Variants in PIH1D1 observed in about 807,000 individuals in gnomAD.
PIH1D1 encodes the protein PIH1 domain-containing protein 1.
Under a neutral mutation model 38.5 loss-of-function variants are expected in PIH1D1, and 28 were observed. The observed-to-expected ratio is 0.73, with a 90% confidence interval of 0.54 to 1.00. The LOEUF is 1.00. Ranked by LOEUF, PIH1D1 falls within the 50% of genes least tolerant of loss-of-function variation. The probability of loss-of-function intolerance (pLI) is 0.00; values close to 1 mark genes in which losing one functional copy is unlikely to be tolerated. For synonymous variants in PIH1D1, 155 were observed against 153.5 expected, an observed-to-expected ratio of 1.01 and a Z score of -0.07; for missense variants, 343 against 369.9, an observed-to-expected ratio of 0.93 and a Z score of 0.60.
In PIH1D1 at chr19:49,448,289, T is replaced by C. The variant is rs191703293; in HGVS notation, c.338-227A>G. 3.0e-4 allele frequency: 171 copies of C among 569,390 alleles called. 1 individual carries two copies. The highest frequency in any genetic ancestry group is 2.5e-5 in the Non-Finnish European group (8 of 317,740). 35.3% of individuals were successfully genotyped at this position (569,390 alleles called of 1,614,324 possible). On this transcript the variant is annotated intron_variant, in intron 3 of 8. Transcript: ENST00000262265. Reference sequence around the variant, plus strand: ...TGTGATGTCACTAGAGTTGACCCTATCCCTTCCCTGCTCACAGCTCTTCTC... The same window carrying C: ...TGTGATGTCACTAGAGTTGACCCTACCCCTTCCCTGCTCACAGCTCTTCTC...
Position 49,446,654 on chromosome 19 carries a change from C to T in PIH1D1, c.728G>A (p.Arg243His), listed in dbSNP as rs370272341. The T allele has an allele frequency of 8.8e-6, 14 of 1,593,298 alleles. No individual in the cohort carries two copies. Among genetic ancestry groups the T allele is most frequent in the South Asian group, 4.5e-5 (4 of 87,970 alleles). Residue 243 changes from arginine to histidine, a missense_variant, in exon 8 of 9, where the codon CGC becomes CAC. Coordinates refer to ENST00000262265, the MANE Select transcript of PIH1D1 (RefSeq NM_017916.3). ...CTGCTGGGGGCCCCCCATCACCAGG[C>T]GGTTCTCCCCGATCTCCAGCGACAG... ...LGLSLEIGEN[R>H]LVMGGPQQLY...
chr19:49,446,820 A>G (rs778863086), intron 7 of PIH1D1, 126 bp from the exon 8 acceptor site: 108 of 1,182,748 alleles, frequency 9.1e-5, no homozygotes, highest in Non-Finnish European at 6.6e-5. Flanking sequence ...GAGACAGAAG[A>G]CAGCAATTAC....
At chr19:49,451,362 A>T (rs1376625717) in intron 1 of PIH1D1, 123 bp downstream of exon 1, 1 of 1,407,860 alleles carries the variant, frequency 7.1e-7, no homozygotes, top group Non-Finnish European at 9.8e-7. Flanking sequence ...CTTGAAGCCC[A>T]TTAACCTCAA....
intron 6 of PIH1D1, 31 bp downstream of exon 6, chr19:49,447,307 A>G: frequency 1.2e-6 from 2 of 1,612,580 alleles, no homozygotes; most frequent in Non-Finnish European, 1.7e-6. Flanking sequence ...CGTTGAGGAA[A>G]CATCAGACCG....
chr19:49,447,709 C>T (rs914584609), intron 5 of PIH1D1, 118 bp downstream of exon 5: 34 of 1,129,716 alleles, frequency 3.0e-5, no homozygotes, highest in Non-Finnish European at 4.5e-5. Flanking sequence ...ACTCCACCCC[C>T]TCCTAGTAGC....
At chr19:49,450,086 T>G (rs2079049343) in intron 2 of PIH1D1, among the ~76,000 whole-genome samples, 1 of 151,188 alleles carries the variant, frequency 6.6e-6, no homozygotes, top group Non-Finnish European at 1.5e-5. Context: ...CCTCTCTTCT[T>G]TGTTTTCTCC....
Position 49,447,852 on chromosome 19 carries a change from G to A in PIH1D1, c.456C>T (p.Asp152=). The change falls in exon 5 of 9, where the codon GAC becomes GAT. Residue 152 remains aspartate (D), a synonymous_variant. Transcript: ENST00000262265. The part of the protein sequence containing the change: ...VITIAREGLE[D]KYNLQLNPEW... ...CCGGATTCAGCTGCAAGTTGTATTT[G>A]TCCTCAAGGCCCTCCCTGGCGATGG... 6.2e-7 allele frequency: 1 copy of A among 1,614,166 alleles called. No individual in the cohort carries two copies. Among genetic ancestry groups the A allele is most frequent in the Non-Finnish European group, 8.5e-7 (1 of 1,179,998 alleles).
intron 4 of PIH1D1, 35 bp from the exon 5 acceptor site, chr19:49,447,943 CG>C: frequency 6.2e-7 from 1 of 1,613,746 alleles, no homozygotes. Flanking sequence ...CAGGCGGTGG[CG>C]GGGAGGGTAG....
chr19:49,447,805 G>T, intron 5 of PIH1D1, 22 bp downstream of exon 5: 1 of 1,611,632 alleles, frequency 6.2e-7, no homozygotes, highest in Non-Finnish European at 8.5e-7. Context: ...TCTTTCCCGA[G>T]GGCCCAGGAC....
In PIH1D1 at chr19:49,447,011, G is replaced by A. The variant is rs115201402; in HGVS notation, c.687+13C>T. 1.5e-3 allele frequency: 2,379 copies of A among 1,604,534 alleles called. 31 individuals carry two copies. The African/African-American group carries it at 0.026, about 18-fold the overall frequency. On this transcript the variant is annotated intron_variant, in intron 7 of 8. Coordinates refer to ENST00000262265, the MANE Select transcript of PIH1D1 (RefSeq NM_017916.3). ...CCTCATTCCCCTGCTCTGGTCCAGC[G>A]CGCAAAACTCACCAGTTTGGGGAGG...
In PIH1D1 at chr19:49,451,608, C is replaced by T. The variant is rs750108966; in HGVS notation, c.-34G>A. 1 of 1,608,820 alleles carries T rather than the reference C, an allele frequency of 6.2e-7. No homozygotes were observed. The highest frequency in any genetic ancestry group is 1.7e-5 in the Admixed American group (1 of 59,670). On this transcript the variant is annotated 5_prime_UTR_variant, in exon 1 of 9. Transcript: ENST00000262265. ...GAAAGAGATCTAGGCGTCCTCGAGACCCTCAACGTGGGAAACTTTGCCCAG... is the reference window on the plus strand; with the variant it reads ...GAAAGAGATCTAGGCGTCCTCGAGATCCTCAACGTGGGAAACTTTGCCCAG...
chr19:49,450,999 G>C, intron 1 of PIH1D1, 151 bp from the exon 2 acceptor site: 120 of 1,097,330 alleles, frequency 1.1e-4, no homozygotes, highest in Non-Finnish European at 1.3e-4. Context: ...AGAACTAGAA[G>C]AACAACCCCA....
intron 1 of PIH1D1, 171 bp from the exon 2 acceptor site, chr19:49,451,019 CCATTT>C: frequency 2.5e-6 from 3 of 1,187,058 alleles, no homozygotes; most frequent in Non-Finnish European, 3.4e-6. Context: ...AACCCCATTC[CCATTT>C]CTTTTTTTTT....
chr19:49,451,399 G>C (rs755025535), intron 1 of PIH1D1, 86 bp downstream of exon 1: 1 of 1,576,906 alleles, frequency 6.3e-7, no homozygotes, highest in Admixed American at 1.7e-5. Context: ...TCCCGCCTTA[G>C]TGCATTCTGG....
chr19:49,446,376 C>A lies in PIH1D1; in HGVS notation c.*6G>T, dbSNP rs1312512313. 1.2e-6 allele frequency: 1 copy of A among 807,864 alleles called. No homozygotes were observed. Among genetic ancestry groups the A allele is most frequent in the East Asian group, 2.4e-5 (1 of 41,374 alleles). 50.0% of individuals were successfully genotyped at this position (807,864 alleles called of 1,614,324 possible). A position where few individuals can be genotyped will look rare whatever the true frequency, so the allele number is the denominator to read the frequency against. On this transcript the variant is annotated 3_prime_UTR_variant, in exon 9 of 9. Coordinates refer to ENST00000262265, the MANE Select transcript of PIH1D1 (RefSeq NM_017916.3). ...CACATCTCAGAAGCACAAGGAGACA[C>A]CCTGATCAAGAAGGCACCGGCAGAA...
At chr19:49,450,186 G>A (rs1364767339) in intron 2 of PIH1D1, among the ~76,000 whole-genome samples, 1 of 152,012 alleles carries the variant, frequency 6.6e-6, no homozygotes, top group Non-Finnish European at 1.5e-5. Context: ...CTTCCACCTG[G>A]CTCAAGTGAG....
intron 2 of PIH1D1, 105 bp from the exon 3 acceptor site, chr19:49,449,759 T>C (rs1329134992): frequency 5.6e-6 from 5 of 886,542 alleles, no homozygotes; most frequent in Non-Finnish European, 8.6e-6. Flanking sequence ...GTCCCCCTTT[T>C]TTGTTCCACT....
At chr19:49,449,402 GC>G in intron 3 of PIH1D1, 72 bp downstream of exon 3, 1 of 1,429,382 alleles carries the variant, frequency 7.0e-7, no homozygotes, top group Non-Finnish European at 9.9e-7. Flanking sequence ...AGGGTCCTGG[GC>G]CCAGGATTCT....
Position 49,447,332 on chromosome 19 carries a change from GCCCACCCTGA to G in PIH1D1, c.607_611+5del, listed in dbSNP as rs2079029663. The G allele has an allele frequency of 1.2e-6, 2 of 1,613,848 alleles. No individual in the cohort carries two copies. The highest frequency in any genetic ancestry group is 2.2e-5 in the South Asian group (2 of 91,078). On this transcript the variant is annotated splice_donor_variant and splice_donor_5th_base_variant and coding_sequence_variant and intron_variant, in exon 6 of 9. Coordinates refer to ENST00000262265, the MANE Select transcript of PIH1D1 (RefSeq NM_017916.3). LOFTEE classifies it high-confidence loss of function. ...ACATCAGACCGGGGATCTACCGAAG[GCCCACCCTGA>G]CTCAGCTCTCCCGGGGGCGGGCGTG...
Sources: gnomAD v4.1 joint callset for allele counts (sites outside exome capture counted in the v4.1 genomes callset) on GRCh38, gnomAD v4.1.1 for gene constraint, MANE v1.5 for transcripts, NCBI Gene and HGNC (gene_info 2026-07-23, HGNC 2026-07-21) for gene names.